Variants in PRCD observed in about 807,000 individuals in gnomAD.
PRCD encodes photoreceptor disc component, also known as photoreceptor disk component PRCD.
A neutral mutation model predicts 10.1 loss-of-function variants in PRCD; 12 were observed. The observed-to-expected ratio is 1.18, with a 90% CI of 0.76 to 1.92. The LOEUF (loss-of-function observed/expected upper bound fraction) is 1.92. PRCD is among the 40% of genes most tolerant of loss of function. The pLI, the probability that PRCD is intolerant of heterozygous loss-of-function variation, is 0.00. For synonymous variants in PRCD, 31 were observed against 26.2 expected (o/e 1.18, Z -0.56); for missense variants, 61 against 72.2 (o/e 0.84, Z 0.56).
intron 1 of PRCD, chr17:76,552,021 T>C (rs1216175454): frequency 2.0e-5 from 3 of 152,146 alleles, no homozygotes; most frequent in Admixed American, 2.0e-4. Flanking sequence ...TACACATAGC[T>C]GTTATGATTT....
intron 4 of PRCD, 84 bp downstream of exon 4, chr17:76,543,205 T>C (rs2075013005): frequency 2.4e-6 from 1 of 414,646 alleles, no homozygotes; most frequent in South Asian, 1.8e-5. Context: ...AGGACCTGGC[T>C]GGGCCTGGCA....
rs1203079457 is a variant in PRCD at position 76,540,347 on chromosome 17, C to G, written c.74+132C>G. 10 of 1,291,674 alleles carry G rather than the reference C, an allele frequency of 7.7e-6. No homozygotes were observed. Among genetic ancestry groups the G allele is most frequent in the Admixed American group, 1.9e-5 (1 of 51,746 alleles). The allele number at this position is 1,291,674 out of a possible 1,614,324, so 80.0% of individuals were successfully genotyped here. A position where few individuals can be genotyped will look rare whatever the true frequency, so the allele number is the denominator to read the frequency against. ...GGGCTGGGAGGGCATTTTGAGGAACCCTTGAGAGAGCACAGTCTCAGAGCA... is the reference window on the plus strand; with the variant it reads ...GGGCTGGGAGGGCATTTTGAGGAACGCTTGAGAGAGCACAGTCTCAGAGCA... On this transcript the variant is annotated intron_variant, in intron 1 of 4. Coordinates refer to ENST00000592014, the MANE Select transcript of PRCD (RefSeq NM_001077620.3). This position sits in a 1 kb window ranked among gnomAD's most constrained non-coding sequence, Gnocchi z 5.0.
chr17:76,533,545 C>T lies in PRCD; in HGVS notation n.45+5712C>T, dbSNP rs1177541582. ...TTTGAGACCAGCCTGGGCAATGTGG[C>T]AAACCCTGTCTCTACAAAATACAAA... On this transcript the variant is annotated intron_variant and non_coding_transcript_variant, in intron 1 of 4. Coordinates refer to the PRCD transcript ENST00000397633. This position sits in a 1 kb window ranked among gnomAD's most constrained non-coding sequence, Gnocchi z 4.5. 6.7e-6 allele frequency among the ~76,000 whole-genome samples: 1 copy of T among 150,092 alleles called. No homozygotes were observed. Among genetic ancestry groups the T allele is most frequent in the African/African-American group, 2.5e-5 (1 of 40,622 alleles).
rs772410206 is a variant in PRCD at position 76,542,538 on chromosome 17, C to A, written c.144-15C>A. 1 of 1,614,212 alleles carries A rather than the reference C, an allele frequency of 6.2e-7. No homozygotes were observed. The highest frequency in any genetic ancestry group is 1.1e-5 in the South Asian group (1 of 91,084). ...GTGCCCTTCAATCCTGACCCCAGTG[C>A]TTTCCTCTGTTTAGGGAGAAAGAAC... On this transcript the variant is annotated splice_polypyrimidine_tract_variant and intron_variant, in intron 2 of 4. Coordinates refer to ENST00000592014, the MANE Select transcript of PRCD (RefSeq NM_001077620.3).
upstream of PRCD, chr17:76,538,471 C>T (rs760325778): frequency 1.1e-5 from 5 of 465,220 alleles, no homozygotes; most frequent in South Asian, 3.1e-5. Context: ...GCGGCGGCGG[C>T]CAGAAGTCCC....
In PRCD at chr17:76,540,259, G is replaced by C. The variant is rs748914780; in HGVS notation, c.74+44G>C. 3 of 1,026,674 alleles carry C rather than the reference G, an allele frequency of 2.9e-6. No individual in the cohort carries two copies. The highest frequency in any genetic ancestry group is 2.0e-5 in the Admixed American group (1 of 49,410). 63.6% of individuals were successfully genotyped at this position (1,026,674 alleles called of 1,614,324 possible). ...TATGGCTGGCGGTTGGTCGGGGGGG[G>C]GGGGCATGGGGCTGGGCTGCCACCA... On this transcript the variant is annotated intron_variant, in intron 1 of 4. Coordinates refer to ENST00000592014, the MANE Select transcript of PRCD (RefSeq NM_001077620.3). The surrounding 1 kb of genome is among the most constrained non-coding windows in gnomAD (Gnocchi z 5.0).
At position 76,540,605 on chromosome 17, in the gene PRCD, G is replaced by A; in HGVS notation, c.143+32G>A. The A allele has an allele frequency of 6.2e-7, 1 of 1,606,910 alleles. No homozygotes were observed. On this transcript the variant is annotated intron_variant, in intron 2 of 4. Transcript: ENST00000592014. The surrounding 1 kb of genome is among the most constrained non-coding windows in gnomAD (Gnocchi z 5.0). ...CAGGAGTCTGGGCTGGGGGAGGGAGGGTGCTGCCAAGGAAGCTGTGGCTGT... is the reference window on the plus strand; with the variant it reads ...CAGGAGTCTGGGCTGGGGGAGGGAGAGTGCTGCCAAGGAAGCTGTGGCTGT...
intron 1 of PRCD, chr17:76,529,309 G>A: frequency 1.0e-6 from 1 of 985,430 alleles, no homozygotes; most frequent in Non-Finnish European, 1.2e-6. Flanking sequence ...CTTGACAGCT[G>A]GGAGTAACCC....
rs1429955253 is a variant in PRCD, at chr17:76,531,755, C to T, written n.45+3922C>T. ...CTGCCTCGGGCCCACCCTGAAGCTT[C>T]CAGGATAGTGGGGGCTGAAGAAGTG... On this transcript the variant is annotated intron_variant and non_coding_transcript_variant, in intron 1 of 4. Transcript: ENST00000397633. This position sits in a 1 kb window ranked among gnomAD's most constrained non-coding sequence, Gnocchi z 7.4. 1.4e-6 allele frequency: 2 copies of T among 1,397,682 alleles called. No individual in the cohort carries two copies. Among genetic ancestry groups the T allele is most frequent in the Non-Finnish European group, 2.0e-6 (2 of 1,017,384 alleles). 86.6% of individuals were successfully genotyped at this position (1,397,682 alleles called of 1,614,324 possible).
Position 76,531,018 on chromosome 17 carries a change from T to C in PRCD, n.45+3185T>C, listed in dbSNP as rs374993773. On this transcript the variant is annotated intron_variant and non_coding_transcript_variant, in intron 1 of 4. Coordinates refer to the PRCD transcript ENST00000397633. The surrounding 1 kb of genome is among the most constrained non-coding windows in gnomAD (Gnocchi z 7.4). Reference sequence around the variant, plus strand: ...GACCTGCTGCACCCAGCCCACTTCCTTGTAGGCAGCGGTCACGTGGCTGTA... The same window carrying C: ...GACCTGCTGCACCCAGCCCACTTCCCTGTAGGCAGCGGTCACGTGGCTGTA... 23 of 1,612,812 alleles carry C rather than the reference T, an allele frequency of 1.4e-5. No individual in the cohort carries two copies. The African/African-American group carries it at 2.4e-4, about 17-fold the overall frequency.
At chr17:76,551,172 T>TGCAGA (rs921908545) in intron 1 of PRCD, 3 of 152,184 alleles carry the variant, frequency 2.0e-5, no homozygotes, top group African/African-American at 7.2e-5. Flanking sequence ...AGCTGGAATT[T>TGCAGA]GCAGAGCAGA....
chr17:76,529,027 C>T, intron 1 of PRCD: 1 of 938,034 alleles, frequency 1.1e-6, no homozygotes, highest in African/African-American at 1.8e-5. Context: ...ACACACAGCG[C>T]CCCCTGCAGT....
upstream of PRCD, among the ~76,000 whole-genome samples, chr17:76,536,577 A>G (rs932559768): frequency 3.9e-5 from 6 of 152,136 alleles, no homozygotes; most frequent in African/African-American, 1.4e-4. Context: ...CATCACCTCT[A>G]TAAGGATGGT....
In PRCD at chr17:76,528,243, T is replaced by C. The variant is rs1598199247; in HGVS notation, n.45+410T>C. On this transcript the variant is annotated intron_variant and non_coding_transcript_variant, in intron 1 of 4. Coordinates refer to the PRCD transcript ENST00000397633. The surrounding 1 kb of genome is among the most constrained non-coding windows in gnomAD (Gnocchi z 5.8). ...GAGACCTGCATGCTGGCCGGGCTGA[T>C]AGAAACGGGGCTGGTTTATTCCCTA... 1 of 398,994 alleles carries C rather than the reference T, an allele frequency of 2.5e-6. No individual in the cohort carries two copies. The highest frequency in any genetic ancestry group is 3.6e-5 in the East Asian group (1 of 28,084). 24.7% of individuals were successfully genotyped at this position (398,994 alleles called of 1,614,324 possible). A position where few individuals can be genotyped will look rare whatever the true frequency, so the allele number is the denominator to read the frequency against.
In PRCD at chr17:76,540,463, G is replaced by T; in HGVS notation, c.75-42G>T. 6.2e-7 allele frequency: 1 copy of T among 1,602,526 alleles called. No homozygotes were observed. Among genetic ancestry groups the T allele is most frequent in the South Asian group, 1.1e-5 (1 of 90,878 alleles). ...CCTGTGGAGGGACAGTGAGGGGCTG[G>T]GCACAGCCATAGCTCTTCCTCCCTA... On this transcript the variant is annotated intron_variant, in intron 1 of 4. Coordinates refer to ENST00000592014, the MANE Select transcript of PRCD (RefSeq NM_001077620.3). This position sits in a 1 kb window ranked among gnomAD's most constrained non-coding sequence, Gnocchi z 5.0.
In PRCD at chr17:76,530,091, G is replaced by T. The variant is rs1373120450; in HGVS notation, n.45+2258G>T. On this transcript the variant is annotated intron_variant and non_coding_transcript_variant, in intron 1 of 4. Coordinates refer to the PRCD transcript ENST00000397633. This position sits in a 1 kb window ranked among gnomAD's most constrained non-coding sequence, Gnocchi z 6.1. Reference sequence around the variant, plus strand: ...CGGCGGGAGACGCCGCCTTTTCCATGGGAAACTGCTGGGAATGTTTCTCTA... The same window carrying T: ...CGGCGGGAGACGCCGCCTTTTCCATTGGAAACTGCTGGGAATGTTTCTCTA... The T allele has an allele frequency of 2.0e-6, 2 of 981,636 alleles. No individual in the cohort carries two copies. Among genetic ancestry groups the T allele is most frequent in the East Asian group, 2.3e-4 (2 of 8,802 alleles). 60.8% of individuals were successfully genotyped at this position (981,636 alleles called of 1,614,324 possible). A position where few individuals can be genotyped will look rare whatever the true frequency, so the allele number is the denominator to read the frequency against.
chr17:76,538,444 C>A, upstream of PRCD: 1 of 464,994 alleles, frequency 2.2e-6, no homozygotes, highest in Non-Finnish European at 4.5e-6. Context: ...CCTCCATGCC[C>A]TCGGTGCACG....
rs548170862 is a variant in PRCD, at chr17:76,530,080, G to A, written n.45+2247G>A. On this transcript the variant is annotated intron_variant and non_coding_transcript_variant, in intron 1 of 4. Coordinates refer to the PRCD transcript ENST00000397633. The surrounding 1 kb of genome is among the most constrained non-coding windows in gnomAD (Gnocchi z 6.1). ...CGTGCAGAGCCCGGCGGGAGACGCCGCCTTTTCCATGGGAAACTGCTGGGA... is the reference window on the plus strand; with the variant it reads ...CGTGCAGAGCCCGGCGGGAGACGCCACCTTTTCCATGGGAAACTGCTGGGA... 18 of 985,370 alleles carry A rather than the reference G, an allele frequency of 1.8e-5. No individual in the cohort carries two copies. The highest frequency in any genetic ancestry group is 1.0e-4 in the African/African-American group (6 of 57,326). 61.0% of individuals were successfully genotyped at this position (985,370 alleles called of 1,614,324 possible). A position where few individuals can be genotyped will look rare whatever the true frequency, so the allele number is the denominator to read the frequency against.
chr17:76,536,623 G>A (rs755469368), upstream of PRCD, among the ~76,000 whole-genome samples: 2 of 152,150 alleles, frequency 1.3e-5, no homozygotes, highest in Non-Finnish European at 2.9e-5. Flanking sequence ...GAAGAACGGG[G>A]CGCTCTGTGT....
Sources: allele counts gnomAD v4.1 joint callset (sites outside exome capture counted in the v4.1 genomes callset), GRCh38; gene constraint gnomAD v4.1.1; non-coding constraint Gnocchi (gnomAD v3.1); transcripts MANE v1.5; gene names NCBI Gene and HGNC (gene_info 2026-07-23, HGNC 2026-07-21).